The following CTBP2 variants were observed in gnomAD, a reference collection of about 807,000 sequenced individuals.
CTBP2 encodes C-terminal-binding protein 2.
In CTBP2, 30 loss-of-function variants were observed where a neutral mutation model predicts 80.3. The observed-to-expected ratio is 0.37, with a 90% CI of 0.28 to 0.51. The LOEUF is 0.51. CTBP2 is among the 20% of genes least tolerant of loss of function. CTBP2 has a pLI of 0.93. For missense variants in CTBP2, 1,212 were observed against 1,375.3 expected (o/e 0.88, Z 1.88); for synonymous variants, 594 against 587.4 (o/e 1.01, Z -0.16).
At chr10:125,024,878 G>C (rs1000555973) in intron 1 of CTBP2, among the ~76,000 whole-genome samples, 15 of 152,184 alleles carry the variant, frequency 9.9e-5, no homozygotes, top group Admixed American at 2.6e-4. Flanking sequence ...AAATCCATGA[G>C]ACAAAATCAG....
At position 125,027,648 on chromosome 10, in the gene CTBP2, T is replaced by C. The variant is rs1201326258; in HGVS notation, c.112A>G (p.Arg38Gly). 1.2e-6 allele frequency: 2 copies of C among 1,613,950 alleles called. No individual in the cohort carries two copies. The highest frequency in any genetic ancestry group is 1.7e-5 in the Admixed American group (1 of 60,002). ...GCTGTGCCATACGTCAGGGAGCTTC[T>C]CCTCCCCAGAGGCCGCAGGGACTCG... Residue 38 changes from arginine to glycine, a missense_variant, in exon 1 of 9, where the codon AGA becomes GGA. This residue lies in a region of CTBP2 where 848 missense variants were observed against 782.3 expected (regional missense o/e 1.08). Transcript: ENST00000309035.
At chr10:125,114,809 C>T (rs1247627321) in intron 1 of CTBP2, among the ~76,000 whole-genome samples, 2 of 132,556 alleles carry the variant, frequency 1.5e-5, no homozygotes, top group Non-Finnish European at 3.1e-5. Flanking sequence ...CACCCAAATG[C>T]AGAGATAACA....
At chr10:125,074,271 G>A (rs1845953244) in intron 2 of CTBP2, among the ~76,000 whole-genome samples, 1 of 152,224 alleles carries the variant, frequency 6.6e-6, no homozygotes, top group Admixed American at 6.5e-5. Flanking sequence ...ATCCCCTGCA[G>A]ACAATTGGCT....
intron 1 of CTBP2, among the ~76,000 whole-genome samples, chr10:125,159,016 G>GC (rs1231254430): frequency 6.6e-6 from 1 of 151,672 alleles, no homozygotes; most frequent in African/African-American, 2.4e-5. Flanking sequence ...GACCCGCCAC[G>GC]CCGCTGGGCC....
In CTBP2 at chr10:125,129,875, G is replaced by A. The variant is rs182318267; in HGVS notation, c.-205-18782C>T. On this transcript the variant is annotated intron_variant, in intron 1 of 10. Coordinates refer to the CTBP2 transcript ENST00000337195. The stretch of plus-strand genomic sequence containing the variant: ...GTGAGCTCAAGGAGGTCCAGGACAC[G>A]GTCAGGGTTGTTTGTGCTAACGCAG... Among the ~76,000 whole-genome samples, 4 of 152,156 alleles carry A rather than the reference G, an allele frequency of 2.6e-5. No homozygotes were observed. In the East Asian group the frequency reaches 7.7e-4, roughly 29 times the overall value.
chr10:125,109,382 C>T (rs1437691137), intron 2 of CTBP2, among the ~76,000 whole-genome samples: 2 of 152,210 alleles, frequency 1.3e-5, no homozygotes, highest in African/African-American at 2.4e-5. Context: ...GGACCCAGCA[C>T]CCAACACTGG....
intron 1 of CTBP2, among the ~76,000 whole-genome samples, chr10:125,018,960 C>T (rs1360936717): frequency 6.6e-6 from 1 of 152,236 alleles, no homozygotes; most frequent in Non-Finnish European, 1.5e-5. Flanking sequence ...CTCAGGAGAA[C>T]ATGTCCCAGG....
At position 125,027,145 on chromosome 10, in the gene CTBP2, G is replaced by C; in HGVS notation, c.615C>G (p.Tyr205Ter). 1 of 1,604,278 alleles carries C rather than the reference G, an allele frequency of 6.2e-7. No individual in the cohort carries two copies. The highest frequency in any genetic ancestry group is 8.5e-7 in the Non-Finnish European group (1 of 1,173,142). ...TGTCGCTGAAGACCTGGCTGAGGGG[G>C]TAGGCAGGCACCTCCGCCCCATACC... Residue 205 changes from tyrosine (Y) to a stop codon, truncating the protein, a stop_gained, in exon 1 of 9, where the codon TAC becomes TAG. Transcript: ENST00000309035. LOFTEE classifies it high-confidence loss of function.
rs1423741700 is a variant in CTBP2 at position 124,987,201 on chromosome 10, T to C, written c.*2317A>G. On this transcript the variant is annotated 3_prime_UTR_variant, in exon 9 of 9. Transcript: ENST00000309035. ...ATAATTATTGTCCCAAGATAGAATA[T>C]AGTCCTTTTTCAAAGATGATTATAC... is the stretch of plus-strand genomic sequence containing the variant. 2 of 149,016 alleles carry C rather than the reference T, an allele frequency of 1.3e-5. No individual in the cohort carries two copies. The highest frequency in any genetic ancestry group is 6.7e-5 in the Admixed American group (1 of 14,870). 9.2% of individuals were successfully genotyped at this position (149,016 alleles called of 1,614,324 possible).
chr10:125,026,596 A>AG lies in CTBP2; in HGVS notation c.1163dup (p.Ala389CysfsTer77), dbSNP rs772295883. The AG allele has an allele frequency of 6.4e-7, 1 of 1,564,160 alleles. No homozygotes were observed. Among genetic ancestry groups the AG allele is most frequent in the Non-Finnish European group, 8.7e-7 (1 of 1,154,784 alleles). ...GGGATGCTGTCTGCAGAGGAGCCGC[A>AG]GCGCCCAGAGAAGCCAAGTCACCAT... On this transcript the variant is annotated frameshift_variant, in exon 1 of 9. Transcript: ENST00000309035. LOFTEE classifies it high-confidence loss of function.
chr10:125,032,362 C>T (rs1457684067), upstream of CTBP2, among the ~76,000 whole-genome samples: 1 of 152,222 alleles, frequency 6.6e-6, no homozygotes, highest in Non-Finnish European at 1.5e-5. Flanking sequence ...CCATCACACT[C>T]CACTGTTTGA....
intron 3 of CTBP2, among the ~76,000 whole-genome samples, chr10:125,036,683 GTGT>G (rs1958924297): frequency 1.3e-5 from 1 of 74,328 alleles, no homozygotes; most frequent in South Asian, 4.0e-4. Context: ...GTGTGTGTGT[GTGT>G]GTGTGTGTGT....
rs1388858004 is a variant in CTBP2 at position 125,122,430 on chromosome 10, G to A, written c.-205-11337C>T. Among the ~76,000 whole-genome samples, 3 of 152,206 alleles carry A rather than the reference G, an allele frequency of 2.0e-5. No individual in the cohort carries two copies. In the East Asian group the frequency reaches 5.8e-4, roughly 29 times the overall value. On this transcript the variant is annotated intron_variant, in intron 1 of 10. Transcript: ENST00000337195. ...GACTTGTAATTTTACAGTTTTCACT[G>A]AAGCATGCCAAAGCCACATAGGTGC... is the stretch of plus-strand genomic sequence containing the variant.
chr10:125,111,084 T>G (rs1036311908), exon 2 of CTBP2: 1 of 152,568 alleles, frequency 6.6e-6, no homozygotes, highest in African/African-American at 2.4e-5. Context: ...CCATTTAAGG[T>G]GATGAAACCC....
Position 124,984,919 on chromosome 10 carries a change from A to C in CTBP2, c.*4599T>G. 1 of 1,613,898 alleles carries C rather than the reference A, an allele frequency of 6.2e-7. No individual in the cohort carries two copies. Among genetic ancestry groups the C allele is most frequent in the East Asian group, 2.2e-5 (1 of 44,872 alleles). ...ACTCAGATGGTAGAAAAATGGCTTG[A>C]CCGCTACCGACAGATCCGGCCGTGT... On this transcript the variant is annotated 3_prime_UTR_variant, in exon 9 of 9. Coordinates refer to ENST00000309035, the MANE Select transcript of CTBP2 (RefSeq NM_022802.3).
chr10:125,154,370 T>C (rs1348323684), intron 1 of CTBP2, among the ~76,000 whole-genome samples: 1 of 152,086 alleles, frequency 6.6e-6, no homozygotes, highest in Non-Finnish European at 1.5e-5. Flanking sequence ...AGGGTTCCCA[T>C]CCTTTAAACA....
chr10:125,059,108 T>C (rs1465851627), intron 2 of CTBP2, among the ~76,000 whole-genome samples: 3 of 152,052 alleles, frequency 2.0e-5, no homozygotes, highest in African/African-American at 7.2e-5. Flanking sequence ...CACTTTTGTC[T>C]CCTTTGCTGG....
intron 2 of CTBP2, among the ~76,000 whole-genome samples, chr10:125,093,734 G>GT (rs1282178662): frequency 6.6e-6 from 1 of 152,188 alleles, no homozygotes; most frequent in East Asian, 1.9e-4. Flanking sequence ...CCTCGGAATG[G>GT]TAAGTAGGGG....
chr10:125,155,949 C>T (rs1860844099), intron 1 of CTBP2, among the ~76,000 whole-genome samples: 1 of 152,138 alleles, frequency 6.6e-6, no homozygotes, highest in Non-Finnish European at 1.5e-5. Flanking sequence ...AAGTTTTCAG[C>T]AGGGTAAGTT....
Sources: gnomAD v4.1 joint callset for allele counts (sites outside exome capture counted in the v4.1 genomes callset) on GRCh38, gnomAD v4.1.1 for gene constraint, gnomAD v4.1.1 regional missense constraint, MANE v1.5 for transcripts, NCBI Gene and HGNC (gene_info 2026-07-23, HGNC 2026-07-21) for gene names.